Variants in TJP3 observed in about 807,000 individuals in gnomAD.
TJP3 encodes tight junction protein ZO-3.
Under a neutral mutation model 104.2 loss-of-function variants are expected in TJP3, and 85 were observed. The ratio of observed to expected loss-of-function variants is 0.82; its 90% CI spans 0.68 to 0.98. TJP3 has a LOEUF of 0.98. Ranked by LOEUF, TJP3 falls within the 50% of genes least tolerant of loss-of-function variation. The pLI is 0.00. For synonymous variants in TJP3, 550 were observed against 550.6 expected (o/e 1.00, Z 0.02); for missense variants, 1,367 against 1,322.8 (o/e 1.03, Z -0.52).
rs138247981 is a variant in TJP3 at position 3,728,466 on chromosome 19, G to A, written c.34G>A (p.Ala12Thr). The change falls in exon 2 of 21, where the codon GCC (alanine) becomes ACC (threonine). Residue 12 changes from alanine to threonine, a missense_variant. Ala to Thr is a moderately conservative substitution (Grantham distance 58). Coordinates refer to ENST00000541714, the MANE Select transcript of TJP3 (RefSeq NM_001267560.2). ...GCTGACCATCTGGGAACAGCACACG[G>A]CCACACTGTCCAAGGTGAGGCCTCC... Reference protein sequence around the residue: ...EELTIWEQHTATLSKDPRRGF... With the variant: ...EELTIWEQHTTTLSKDPRRGF... The A allele has an allele frequency of 2.3e-4, 372 of 1,612,652 alleles. 1 individual carries two copies. The African/African-American group carries it at 4.1e-3, about 18-fold the overall frequency.
intron 1 of TJP3, among the ~76,000 whole-genome samples, chr19:3,713,002 G>T (rs540787572): frequency 3.9e-4 from 59 of 151,376 alleles, no homozygotes; most frequent in Admixed American, 9.9e-4. Context: ...ACCCTGAGCT[G>T]CATTCCATAC....
chr19:3,727,439 C>T (rs973053342), intron 1 of TJP3, among the ~76,000 whole-genome samples: 12 of 146,644 alleles, frequency 8.2e-5, no homozygotes, highest in Middle Eastern at 7.5e-3. Context: ...GCCAAGATCA[C>T]GCCATTGCAC....
chr19:3,738,705 G>T, intron 12 of TJP3, 42 bp downstream of exon 12: 1 of 1,562,194 alleles, frequency 6.4e-7, no homozygotes, highest in South Asian at 1.1e-5. Context: ...TGTTGCGGGG[G>T]GAGGACCTGG....
intron 7 of TJP3, among the ~76,000 whole-genome samples, chr19:3,734,126 A>T (rs2036706821): frequency 6.6e-6 from 1 of 152,198 alleles, no homozygotes; most frequent in Non-Finnish European, 1.5e-5. Flanking sequence ...GGTTCGAGCG[A>T]TTCTCGTGCC....
chr19:3,726,027 G>T (rs1028713714), intron 1 of TJP3, among the ~76,000 whole-genome samples: 2 of 152,044 alleles, frequency 1.3e-5, no homozygotes, highest in African/African-American at 2.4e-5. Context: ...TGCTGGCCTC[G>T]CTAGAGACGC....
intron 1 of TJP3, among the ~76,000 whole-genome samples, chr19:3,724,388 G>A (rs942427454): frequency 3.9e-5 from 6 of 152,142 alleles, no homozygotes; most frequent in Admixed American, 6.6e-5. Context: ...GTAGAGACGG[G>A]GTTTCACCAT....
intron 19 of TJP3, among the ~76,000 whole-genome samples, chr19:3,749,195 C>T (rs950391724): frequency 4.6e-5 from 7 of 152,108 alleles, no homozygotes; most frequent in African/African-American, 1.7e-4. Flanking sequence ...CCTCTCTGTG[C>T]ACCTGTTTCC....
Position 3,746,762 on chromosome 19 carries a change from T to C in TJP3, c.2222-14T>C. On this transcript the variant is annotated splice_polypyrimidine_tract_variant and intron_variant, in intron 17 of 20. Transcript: ENST00000541714. The surrounding 1 kb of genome is among the most constrained non-coding windows in gnomAD (Gnocchi z 4.1). Reference sequence around the variant, plus strand: ...CCTGAGTCTCCTGCACACACTGACGTCCCCTCCCTGCAGCCACCATCCCTC... The same window carrying C: ...CCTGAGTCTCCTGCACACACTGACGCCCCCTCCCTGCAGCCACCATCCCTC... The C allele has an allele frequency of 6.2e-7, 1 of 1,603,756 alleles. No homozygotes were observed. The highest frequency in any genetic ancestry group is 8.5e-7 in the Non-Finnish European group (1 of 1,175,120).
Position 3,739,028 on chromosome 19 carries a change from C to T in TJP3, c.1525C>T (p.His509Tyr), listed in dbSNP as rs769774079. 107 of 1,612,208 alleles carry T rather than the reference C, an allele frequency of 6.6e-5. No individual in the cohort carries two copies. Among genetic ancestry groups the T allele is most frequent in the Non-Finnish European group, 8.4e-5 (99 of 1,179,440 alleles). The part of the protein sequence containing the change: ...GDVFHVLDTL[H>Y]PGPGQSHARG... The stretch of plus-strand genomic sequence containing the variant: ...CGTCTTCCACGTGCTGGACACGCTG[C>T]ACCCCGGCCCCGGGCAGAGCCACGC... The change falls in exon 13 of 21, where the codon CAC becomes TAC. Residue 509 changes from histidine (H) to tyrosine (Y), a missense_variant. Coordinates refer to ENST00000541714, the MANE Select transcript of TJP3 (RefSeq NM_001267560.2).
chr19:3,749,463 C>T (rs534027367), intron 19 of TJP3, among the ~76,000 whole-genome samples: 17 of 152,200 alleles, frequency 1.1e-4, no homozygotes, highest in East Asian at 3.9e-4. Flanking sequence ...TCTCAGCCTC[C>T]GGAGTAGCTG....
intron 6 of TJP3, among the ~76,000 whole-genome samples, chr19:3,732,256 C>T (rs2036681486): frequency 6.6e-6 from 1 of 151,992 alleles, no homozygotes; most frequent in Admixed American, 6.6e-5. Flanking sequence ...TCTAGTATCC[C>T]CATGGGGTTG....
At chr19:3,740,808 G>C (rs754032771) in intron 14 of TJP3, 45 bp downstream of exon 14, 4 of 1,468,222 alleles carry the variant, frequency 2.7e-6, no homozygotes, top group Non-Finnish European at 3.6e-6. Context: ...CTCACACACA[G>C]CTCCTGGTGC....
chr19:3,734,253 A>C, intron 7 of TJP3, 74 bp from the exon 8 acceptor site: 1 of 1,452,046 alleles, frequency 6.9e-7, no homozygotes, highest in Non-Finnish European at 9.5e-7. Context: ...AGGGGTGTTG[A>C]TATACCCCTC....
chr19:3,727,501 A>G (rs76777306), intron 1 of TJP3, among the ~76,000 whole-genome samples: 2 of 151,406 alleles, frequency 1.3e-5, no homozygotes, highest in South Asian at 2.1e-4. Context: ...AAAAAAAAAA[A>G]AGAGATAGTA....
At chr19:3,750,495 T>C in intron 20 of TJP3, 87 bp from the exon 21 acceptor site, 7 of 1,179,832 alleles carry the variant, frequency 5.9e-6, no homozygotes, top group Non-Finnish European at 8.6e-6. Context: ...CCACACCCAC[T>C]GTGCCTAGCA....
At chr19:3,745,861 C>T in intron 15 of TJP3, 150 bp from the exon 16 acceptor site, 1 of 660,948 alleles carries the variant, frequency 1.5e-6, no homozygotes, top group Non-Finnish European at 2.6e-6. Flanking sequence ...TGGCACTTGG[C>T]CAACATGAGT....
chr19:3,717,398 C>G (rs1268967010), intron 1 of TJP3, among the ~76,000 whole-genome samples: 2 of 130,640 alleles, frequency 1.5e-5, no homozygotes, highest in Non-Finnish European at 3.3e-5. Context: ...CTGTGCCCAG[C>G]CATAGCTTAT....
intron 20 of TJP3, 84 bp from the exon 21 acceptor site, chr19:3,750,498 G>A: frequency 1.7e-6 from 2 of 1,205,002 alleles, no homozygotes; most frequent in African/African-American, 1.5e-5. Context: ...CACCCACTGT[G>A]CCTAGCACAG....
At chr19:3,713,231 T>G (rs2036449125) in intron 1 of TJP3, among the ~76,000 whole-genome samples, 1 of 152,026 alleles carries the variant, frequency 6.6e-6, no homozygotes, top group African/African-American at 2.4e-5. Context: ...CCGGGGCGTC[T>G]CCTCCCACCT....
Sources: allele counts gnomAD v4.1 joint callset (sites outside exome capture counted in the v4.1 genomes callset), GRCh38; gene constraint gnomAD v4.1.1; non-coding constraint Gnocchi (gnomAD v3.1); transcripts MANE v1.5; gene names NCBI Gene and HGNC (gene_info 2026-07-23, HGNC 2026-07-21).